ZNF3: variants seen among roughly 807,000 people sequenced by gnomAD.
ZNF3 encodes the protein zinc finger protein 3.
A neutral mutation model predicts 36.9 loss-of-function variants in ZNF3; 16 were observed. That is an observed-to-expected ratio of 0.43 (90% CI 0.29 to 0.66). The LOEUF (loss-of-function observed/expected upper bound fraction) is 0.66, where lower values mean the gene tolerates loss of function less well. Among genes scored for constraint, ZNF3 ranks in the 30% least tolerant of loss-of-function variants. The pLI, the probability that ZNF3 is intolerant of heterozygous loss-of-function variation, is 0.13. For synonymous variants in ZNF3, 201 were observed against 201.9 expected, an observed-to-expected ratio of 1.00 and a Z score of 0.04; for missense variants, 462 against 543.1, an observed-to-expected ratio of 0.85 and a Z score of 1.48.
chr7:100,077,575 A>G (rs1423039023), intron 2 of ZNF3, 142 bp from the exon 3 acceptor site: 5 of 721,156 alleles, frequency 6.9e-6, no homozygotes, highest in Non-Finnish European at 1.0e-5. Context: ...ATTTTCTTTT[A>G]TTTTTTAATT....
Position 100,071,842 on chromosome 7 carries a change from G to C in ZNF3, c.642C>G (p.Asp214Glu). The C allele has an allele frequency of 6.2e-7, 1 of 1,614,026 alleles. No homozygotes were observed. Among genetic ancestry groups the C allele is most frequent in the South Asian group, 1.1e-5 (1 of 91,062 alleles). The change falls in exon 6 of 6, where the codon GAC (aspartate) becomes GAG (glutamate). Residue 214 changes from aspartate to glutamate, a missense_variant. Asp to Glu is a conservative substitution (Grantham distance 45, BLOSUM62 2). Coordinates refer to ENST00000299667, the MANE Select transcript of ZNF3 (RefSeq NM_032924.5). ...TGTGGATTCTCTGATGTTGAATAAG[G>C]TCTGAAGTTCGATTAAAGCTCTTGC... The part of the protein sequence containing the change: ...ECSKSFNRTS[D>E]LIQHQRIHTG...
chr7:100,072,319 C>T, intron 5 of ZNF3, 107 bp from the exon 6 acceptor site: 1 of 1,058,044 alleles, frequency 9.5e-7, no homozygotes, highest in Non-Finnish European at 1.3e-6. Context: ...AAAGCACATG[C>T]CTACAAAGAG....
Position 100,070,853 on chromosome 7 carries a change from T to A in ZNF3, c.*290A>T. 1 of 1,166,228 alleles carries A rather than the reference T, an allele frequency of 8.6e-7. No homozygotes were observed. Among genetic ancestry groups the A allele is most frequent in the Non-Finnish European group, 1.1e-6 (1 of 944,030 alleles). The allele number at this position is 1,166,228 out of a possible 1,614,324, so 72.2% of individuals were successfully genotyped here. A position where few individuals can be genotyped will look rare whatever the true frequency, so the allele number is the denominator to read the frequency against. On this transcript the variant is annotated 3_prime_UTR_variant, in exon 6 of 6. Transcript: ENST00000299667. ...CCCGACTGTGCTTCCATCCCCACCT[T>A]GGAAAGGTTCCTCTGCTGTGAGAAA...
At chr7:100,074,218 C>T (rs1793690264) in intron 5 of ZNF3, among the ~76,000 whole-genome samples, 1 of 152,114 alleles carries the variant, frequency 6.6e-6, no homozygotes, top group South Asian at 2.1e-4. Flanking sequence ...CTCATCAGCC[C>T]AACTGATGAC....
At chr7:100,068,706 G>C (rs564561578), downstream of ZNF3, among the ~76,000 whole-genome samples, 2 of 151,682 alleles carry the variant, frequency 1.3e-5, no homozygotes, top group African/African-American at 4.8e-5. Flanking sequence ...CTCTGTTATC[G>C]TGTGGTGGTG....
In ZNF3 at chr7:100,072,223, A is replaced by G; in HGVS notation, c.272-11T>C. ...TCCTGGTCTCACGATCTGACACAAT[A>G]AAAAATGCAAATGTCACTTGTTCCT... On this transcript the variant is annotated splice_polypyrimidine_tract_variant and intron_variant, in intron 5 of 5. Coordinates refer to ENST00000299667, the MANE Select transcript of ZNF3 (RefSeq NM_032924.5). 2 of 1,555,238 alleles carry G rather than the reference A, an allele frequency of 1.3e-6. No individual in the cohort carries two copies. The highest frequency in any genetic ancestry group is 2.5e-5 in the South Asian group (2 of 81,578).
downstream of ZNF3, chr7:100,063,992 T>C: frequency 1.9e-6 from 3 of 1,614,104 alleles, no homozygotes; most frequent in Non-Finnish European, 2.5e-6. Context: ...AGAGAATCAG[T>C]TCCTACTAAA....
rs542065563 is a variant in ZNF3 at position 100,070,759 on chromosome 7, G to A, written c.*384C>T. Reference sequence around the variant, plus strand: ...CCTCCCTAGCAAATAACAGGACCCAGAGCGTCCTTTCCACTGCTGTCTGTG... The same window carrying A: ...CCTCCCTAGCAAATAACAGGACCCAAAGCGTCCTTTCCACTGCTGTCTGTG... On this transcript the variant is annotated 3_prime_UTR_variant, in exon 6 of 6. Coordinates refer to ENST00000299667, the MANE Select transcript of ZNF3 (RefSeq NM_032924.5). 2 of 1,018,086 alleles carry A rather than the reference G, an allele frequency of 2.0e-6. No homozygotes were observed. The highest frequency in any genetic ancestry group is 1.7e-5 in the African/African-American group (1 of 58,328). 63.1% of individuals were successfully genotyped at this position (1,018,086 alleles called of 1,614,324 possible).
chr7:100,071,594 G>A lies in ZNF3; in HGVS notation c.890C>T (p.Ser297Phe). ...NECGKTFSWS[S>F]TLTHHQRIHT... ...GATTCTCTGATGGTGGGTGAGGGTG[G>A]AGCTCCAGCTGAAGGTCTTCCCACA... Residue 297 changes from serine to phenylalanine, a missense_variant, in exon 6 of 6, where the codon TCC (serine) becomes TTC (phenylalanine). Ser to Phe is a radical substitution (Grantham distance 155, BLOSUM62 -2). Transcript: ENST00000299667. The A allele has an allele frequency of 6.2e-7, 1 of 1,614,088 alleles. No homozygotes were observed. The highest frequency in any genetic ancestry group is 8.5e-7 in the Non-Finnish European group (1 of 1,179,984).
rs1324641710 is a variant in ZNF3, at chr7:100,071,214, A to G, written c.1270T>C (p.Leu424=). The stretch of plus-strand genomic sequence containing the variant: ...CTTTTGCTCATGCCGATCCCATTCA[A>G]AGGCTTCTCTCCAGTGTGAATTCTC... ...HQRIHTGEKP[L]NGIGMSKSSL... is the part of the protein sequence containing the mutation. Residue 424 remains leucine, a synonymous_variant, in exon 6 of 6, where the codon TTG becomes CTG. Coordinates refer to ENST00000299667, the MANE Select transcript of ZNF3 (RefSeq NM_032924.5). The G allele has an allele frequency of 6.2e-7, 1 of 1,614,078 alleles. No individual in the cohort carries two copies. Among genetic ancestry groups the G allele is most frequent in the African/African-American group, 1.3e-5 (1 of 75,062 alleles).
downstream of ZNF3, among the ~76,000 whole-genome samples, chr7:100,069,131 A>ATT (rs548497539): frequency 5.9e-4 from 87 of 147,416 alleles, no homozygotes; most frequent in Non-Finnish European, 8.9e-4. Context: ...CTCAGCCCTA[A>ATT]TTTTTTTTTT....
downstream of ZNF3, among the ~76,000 whole-genome samples, chr7:100,068,468 T>A (rs1214679482): frequency 2.0e-5 from 3 of 151,708 alleles, no homozygotes; most frequent in Non-Finnish European, 4.4e-5. Context: ...GGTCAGGAGT[T>A]CAAGACCAGC....
Position 100,072,055 on chromosome 7 carries a change from G to A in ZNF3, c.429C>T (p.Ser143=), listed in dbSNP as rs529225181. 6.2e-7 allele frequency: 1 copy of A among 1,614,186 alleles called. No individual in the cohort carries two copies. The highest frequency in any genetic ancestry group is 1.3e-5 in the African/African-American group (1 of 75,038). ...TTTTCCTGTTCAGTCTTTCTCCAGG[G>A]GAGTTCCCCAGCGGCCTTTTCAGAC... ...EVSLKRPLGN[S]PGERLNRKMP... Residue 143 remains serine (S), a synonymous_variant, in exon 6 of 6, where the codon TCC becomes TCT. Transcript: ENST00000299667.
chr7:100,064,972 T>G, intron 5 of ZNF3: 1 of 1,597,878 alleles, frequency 6.3e-7, no homozygotes, highest in East Asian at 2.3e-5. Flanking sequence ...AGAATTTTAA[T>G]TTGTAAAGAA....
intron 1 of ZNF3, among the ~76,000 whole-genome samples, chr7:100,080,916 C>G (rs1794900360): frequency 6.6e-6 from 1 of 152,248 alleles, no homozygotes; most frequent in Non-Finnish European, 1.5e-5. Context: ...GATGTCTTTT[C>G]TGGAGAAAAT....
In ZNF3 at chr7:100,071,132, G is replaced by A; in HGVS notation, c.*11C>T. Reference sequence around the variant, plus strand: ...CTCAGGGAAAGTGAGGAAAATGGGTGTGTGGCTCTTTCACGTGGACTCTCT... The same window carrying A: ...CTCAGGGAAAGTGAGGAAAATGGGTATGTGGCTCTTTCACGTGGACTCTCT... On this transcript the variant is annotated 3_prime_UTR_variant, in exon 6 of 6. Transcript: ENST00000299667. 1 of 1,563,822 alleles carries A rather than the reference G, an allele frequency of 6.4e-7. No individual in the cohort carries two copies. The highest frequency in any genetic ancestry group is 2.2e-5 in the East Asian group (1 of 44,494).
In ZNF3 at chr7:100,070,847, C is replaced by T; in HGVS notation, c.*296G>A. 8.7e-7 allele frequency: 1 copy of T among 1,155,954 alleles called. No individual in the cohort carries two copies. Among genetic ancestry groups the T allele is most frequent in the South Asian group, 3.0e-5 (1 of 33,874 alleles). 71.6% of individuals were successfully genotyped at this position (1,155,954 alleles called of 1,614,324 possible). A position where few individuals can be genotyped will look rare whatever the true frequency, so the allele number is the denominator to read the frequency against. On this transcript the variant is annotated 3_prime_UTR_variant, in exon 6 of 6. Coordinates refer to ENST00000299667, the MANE Select transcript of ZNF3 (RefSeq NM_032924.5). ...TTCTGTCCCGACTGTGCTTCCATCC[C>T]CACCTTGGAAAGGTTCCTCTGCTGT...
At chr7:100,072,264 G>A (rs1793304297) in intron 5 of ZNF3, 52 bp from the exon 6 acceptor site, 1 of 1,441,828 alleles carries the variant, frequency 6.9e-7, no homozygotes, top group African/African-American at 1.4e-5. Flanking sequence ...AAGAAAGAGT[G>A]AAAATCACAG....
At chr7:100,073,697 G>A (rs1793588891) in intron 5 of ZNF3, among the ~76,000 whole-genome samples, 2 of 151,950 alleles carry the variant, frequency 1.3e-5, no homozygotes, top group Admixed American at 6.6e-5. Context: ...GGGGCACTAG[G>A]TCCTGAACAA....
Sources: allele counts gnomAD v4.1 joint callset (sites outside exome capture counted in the v4.1 genomes callset), GRCh38; gene constraint gnomAD v4.1.1; transcripts MANE v1.5; gene names NCBI Gene and HGNC (gene_info 2026-07-23, HGNC 2026-07-21).